NBAS: variants seen among roughly 807,000 people sequenced by gnomAD.
NBAS encodes the protein NAG/BC035112 fusion.
Under a neutral mutation model 302.5 loss-of-function variants are expected in NBAS, and 219 were observed. The observed-to-expected ratio is 0.72, with a 90% CI of 0.65 to 0.81. NBAS has a LOEUF of 0.81. Among genes scored for constraint, NBAS ranks in the 30% least tolerant of loss-of-function variants. The probability of loss-of-function intolerance (pLI) is 0.00; values close to 1 mark genes in which losing one functional copy is unlikely to be tolerated. For missense variants in NBAS, 2,932 were observed against 2,841.6 expected, an observed-to-expected ratio of 1.03 and a Z score of -0.72; for synonymous variants, 1,118 against 1,021.6, an observed-to-expected ratio of 1.09 and a Z score of -1.80.
the NBAS span, among the ~76,000 whole-genome samples, chr2:14,885,911 G>A: frequency 6.6e-6 from 1 of 152,152 alleles, no homozygotes; most frequent in Non-Finnish European, 1.5e-5. Context: ...CCGAAGTGGT[G>A]GGAACAAAAG....
At chr2:14,848,537 C>T in the NBAS span, among the ~76,000 whole-genome samples, 1 of 142,968 alleles carries the variant, frequency 7.0e-6, no homozygotes. Context: ...CTTAGGTAAA[C>T]AAAGCGGCCA....
intron 9 of NBAS, among the ~76,000 whole-genome samples, chr2:15,515,101 A>C (rs2148653875): frequency 6.6e-6 from 1 of 152,332 alleles, no homozygotes; most frequent in East Asian, 1.9e-4. Flanking sequence ...GTATGTTTAA[A>C]GGGGAAGAAA....
chr2:15,136,450 A>G, the NBAS span, among the ~76,000 whole-genome samples: 1 of 152,236 alleles, frequency 6.6e-6, no homozygotes, highest in Non-Finnish European at 1.5e-5. Flanking sequence ...ACAATAGGTC[A>G]ATGGATGAAT....
At chr2:15,097,016 G>A in the NBAS span, among the ~76,000 whole-genome samples, 516 of 152,316 alleles carry the variant, frequency 3.4e-3, 5 homozygotes, top group African/African-American at 0.012. Flanking sequence ...AATGTGGTGG[G>A]CAGACAGAGA....
At chr2:15,165,743 G>A (rs956560059), downstream of NBAS, among the ~76,000 whole-genome samples, 12 of 152,204 alleles carry the variant, frequency 7.9e-5, no homozygotes, top group Admixed American at 6.5e-4. Flanking sequence ...AGGGAGCCCC[G>A]TTACATTCAG....
rs750004221 is a variant in NBAS at position 15,309,151 on chromosome 2, A to C, written c.4659+20T>G. ...TCCATTTAGTCATTTTAAATTCTTC[A>C]TTGGTAAGGGCAAACTTACTTGTGG... On this transcript the variant is annotated intron_variant, in intron 39 of 51. Coordinates refer to ENST00000281513, the MANE Select transcript of NBAS (RefSeq NM_015909.4). 6.2e-7 allele frequency: 1 copy of C among 1,600,032 alleles called. No homozygotes were observed. The highest frequency in any genetic ancestry group is 1.1e-5 in the South Asian group (1 of 90,420).
At chr2:14,993,987 A>G in the NBAS span, among the ~76,000 whole-genome samples, 1 of 152,214 alleles carries the variant, frequency 6.6e-6, no homozygotes, top group Non-Finnish European at 1.5e-5. Context: ...GAGATAAAGC[A>G]TGCACAGAAA....
the NBAS span, among the ~76,000 whole-genome samples, chr2:14,980,004 G>C: frequency 6.6e-6 from 1 of 152,098 alleles, no homozygotes; most frequent in African/African-American, 2.4e-5. Context: ...ACTTCACAAG[G>C]TCAAACTGAA....
the NBAS span, among the ~76,000 whole-genome samples, chr2:15,021,139 A>G: frequency 6.6e-6 from 1 of 152,278 alleles, no homozygotes; most frequent in East Asian, 1.9e-4. Flanking sequence ...AGGCTGAGGC[A>G]GGAGAATCGC....
chr2:14,816,965 T>G, the NBAS span, among the ~76,000 whole-genome samples: 1 of 152,180 alleles, frequency 6.6e-6, no homozygotes, highest in Non-Finnish European at 1.5e-5. Context: ...AAAAGTCACA[T>G]GCAGAATCCC....
intron 44 of NBAS, among the ~76,000 whole-genome samples, chr2:15,263,081 A>C (rs1036844646): frequency 6.6e-6 from 1 of 152,140 alleles, no homozygotes; most frequent in Non-Finnish European, 1.5e-5. Flanking sequence ...AGGCTTCACA[A>C]TGAAATTTCC....
intron 48 of NBAS, among the ~76,000 whole-genome samples, chr2:15,197,335 C>T (rs1665670049): frequency 6.6e-6 from 1 of 152,192 alleles, no homozygotes; most frequent in African/African-American, 2.4e-5. Flanking sequence ...GCTCACTACC[C>T]CTTGCCACTT....
chr2:15,550,576 T>G (rs1664330894), intron 6 of NBAS, among the ~76,000 whole-genome samples: 1 of 147,140 alleles, frequency 6.8e-6, no homozygotes, highest in Non-Finnish European at 1.5e-5. Context: ...GTAAGGTTCC[T>G]TCTTTCTGTC....
At chr2:14,805,062 T>C in the NBAS span, among the ~76,000 whole-genome samples, 11 of 152,162 alleles carry the variant, frequency 7.2e-5, 1 homozygote, top group Admixed American at 7.2e-4. Context: ...GGCCTTGTGC[T>C]CAGATTTGAG....
intron 35 of NBAS, among the ~76,000 whole-genome samples, chr2:15,336,033 C>T (rs543322056): frequency 9.9e-5 from 15 of 151,216 alleles, no homozygotes; most frequent in African/African-American, 3.6e-4. Flanking sequence ...GAGGTTAAGG[C>T]TACTGTGAGC....
intron 44 of NBAS, among the ~76,000 whole-genome samples, chr2:15,263,854 C>T (rs1668957664): frequency 6.6e-6 from 1 of 152,192 alleles, no homozygotes; most frequent in Non-Finnish European, 1.5e-5. Flanking sequence ...ATCTCCCTGG[C>T]TGTCAAGTCG....
chr2:15,127,604 T>G, the NBAS span, among the ~76,000 whole-genome samples: 1 of 152,198 alleles, frequency 6.6e-6, no homozygotes. Flanking sequence ...TTAAGGCTGT[T>G]CTTCTTTTAA....
the NBAS span, among the ~76,000 whole-genome samples, chr2:15,092,922 G>C: frequency 1.3e-5 from 2 of 152,110 alleles, no homozygotes; most frequent in African/African-American, 4.8e-5. Flanking sequence ...AATTCCATAA[G>C]CATAGCACTG....
the NBAS span, among the ~76,000 whole-genome samples, chr2:14,816,443 T>C: frequency 9.9e-5 from 15 of 152,268 alleles, no homozygotes; most frequent in East Asian, 2.5e-3. Context: ...TGTGGAAAAA[T>C]TGTCTTCCAC....
Sources: allele counts gnomAD v4.1 joint callset (sites outside exome capture counted in the v4.1 genomes callset), GRCh38; gene constraint gnomAD v4.1.1; transcripts MANE v1.5; gene names NCBI Gene and HGNC (gene_info 2026-07-23, HGNC 2026-07-21).